Variants in TUSC3 observed in about 807,000 individuals in gnomAD.
TUSC3 encodes dolichyl-diphosphooligosaccharide--protein glycosyltransferase subunit TUSC3.
A neutral mutation model predicts 44.8 loss-of-function variants in TUSC3; 45 were observed. That is an observed-to-expected ratio of 1.00 (90% CI 0.79 to 1.29). The LOEUF (loss-of-function observed/expected upper bound fraction) is 1.29, where lower values mean the gene tolerates loss of function less well. TUSC3 is among the 50% of genes most tolerant of loss of function. The pLI, the probability that TUSC3 is intolerant of heterozygous loss-of-function variation, is 0.00. For missense variants in TUSC3, 519 were observed against 437.9 expected (o/e 1.19, Z -1.65); for synonymous variants, 212 against 152.9 (o/e 1.39, Z -2.85).
At chr8:15,418,188 T>A (rs79312612) in intron 1 of TUSC3, among the ~76,000 whole-genome samples, 2,773 of 152,314 alleles carry the variant, frequency 0.018, 83 homozygotes, top group African/African-American at 0.064. Flanking sequence ...ATTAAATGTG[T>A]TTGGGGCTTT....
In TUSC3 at chr8:15,757,791, T is replaced by A. The variant is rs1335641004; in HGVS notation, c.1029T>A (p.Ser343Arg). 7 of 1,462,626 alleles carry A rather than the reference T, an allele frequency of 4.8e-6. No individual in the cohort carries two copies. The African/African-American group carries it at 9.7e-5, about 20-fold the overall frequency. The allele number at this position is 1,462,626 out of a possible 1,614,324, so 90.6% of individuals were successfully genotyped here. A position where few individuals can be genotyped will look rare whatever the true frequency, so the allele number is the denominator to read the frequency against. ...TATTTCATTGTGGTGTATTGGAAAG[T>A]GATCTGGACTTTGAGTGAGAAGATG... is the stretch of plus-strand genomic sequence containing the variant. Reference protein sequence around the residue: ...FRSKYHGYPYSDLDFE With the variant: ...FRSKYHGYPYRDLDFE Residue 343 changes from serine (S) to arginine (R), a missense_variant and splice_region_variant, in exon 10 of 11, where the codon AGT becomes AGA. Transcript: ENST00000503731.
intron 1 of TUSC3, among the ~76,000 whole-genome samples, chr8:15,479,812 A>G (rs1800634360): frequency 6.6e-6 from 1 of 152,138 alleles, no homozygotes; most frequent in South Asian, 2.1e-4. Context: ...CCTATCATGC[A>G]AGAGAAAGAA....
At chr8:15,464,490 T>C (rs1210874400) in intron 1 of TUSC3, among the ~76,000 whole-genome samples, 2 of 152,206 alleles carry the variant, frequency 1.3e-5, no homozygotes, top group African/African-American at 4.8e-5. Context: ...TTTGCTTTCA[T>C]GATGCTTTCT....
downstream of TUSC3, among the ~76,000 whole-genome samples, chr8:15,767,715 G>C (rs1286943233): frequency 6.6e-6 from 1 of 152,036 alleles, no homozygotes; most frequent in Non-Finnish European, 1.5e-5. Context: ...GACCTATCTA[G>C]GGTCTTGCCT....
chr8:15,574,168 T>C (rs993306390), intron 1 of TUSC3, among the ~76,000 whole-genome samples: 1 of 152,186 alleles, frequency 6.6e-6, no homozygotes, highest in African/African-American at 2.4e-5. Context: ...GTTAGTGTTT[T>C]GTGCACAGTG....
At chr8:15,839,281 A>G in the TUSC3 span, among the ~76,000 whole-genome samples, 1 of 152,120 alleles carries the variant, frequency 6.6e-6, no homozygotes, top group Non-Finnish European at 1.5e-5. Context: ...GGTTTTCTAA[A>G]TATACAATCA....
chr8:15,827,656 T>C, the TUSC3 span, among the ~76,000 whole-genome samples: 4 of 152,316 alleles, frequency 2.6e-5, no homozygotes, highest in Non-Finnish European at 5.9e-5. Context: ...AATGTGTACA[T>C]TTGATCTTTG....
rs531581712 is a variant in TUSC3 at position 15,474,773 on chromosome 8, A to G, written n.92-8613A>G. On this transcript the variant is annotated intron_variant and non_coding_transcript_variant, in intron 1 of 5. Coordinates refer to the TUSC3 transcript ENST00000503191. ...CAAAAATAAGTGAAATAGCCAGGAAATATTGAAAGTTTAGAAGTTGGTGTT... is the reference window on the plus strand; with the variant it reads ...CAAAAATAAGTGAAATAGCCAGGAAGTATTGAAAGTTTAGAAGTTGGTGTT... 2.5e-4 allele frequency among the ~76,000 whole-genome samples: 38 copies of G among 152,322 alleles called. No homozygotes were observed. The South Asian group carries it at 7.9e-3, about 32-fold the overall frequency.
At position 15,748,085 on chromosome 8, in the gene TUSC3, A is replaced by G. The variant is rs1339319901; in HGVS notation, c.938-290A>G. Among the ~76,000 whole-genome samples the G allele has an allele frequency of 3.3e-5, 5 of 152,242 alleles. No individual in the cohort carries two copies. In the East Asian group the frequency reaches 9.6e-4, roughly 29 times the overall value. ...GCATGTTAGTACTTGTAAGAACTCT[A>G]TAAAAGAAGAAAACCTCCAGAAGAC... On this transcript the variant is annotated intron_variant, in intron 8 of 10. Coordinates refer to ENST00000503731, the MANE Select transcript of TUSC3 (RefSeq NM_006765.4).
At chr8:15,711,893 G>C (rs1261597462) in intron 6 of TUSC3, among the ~76,000 whole-genome samples, 1 of 151,592 alleles carries the variant, frequency 6.6e-6, no homozygotes, top group Non-Finnish European at 1.5e-5. Flanking sequence ...CAGTTTGATC[G>C]TCACGTTTTT....
intron 1 of TUSC3, among the ~76,000 whole-genome samples, chr8:15,579,427 C>A (rs1255128442): frequency 1.0e-5 from 1 of 97,658 alleles, no homozygotes; most frequent in East Asian, 2.7e-4. Context: ...AATTTTGGAT[C>A]TTTCCTGCTT....
intron 2 of TUSC3, among the ~76,000 whole-genome samples, 195 bp downstream of exon 2, chr8:15,623,444 A>G (rs563333805): frequency 8.5e-5 from 13 of 152,288 alleles, no homozygotes; most frequent in African/African-American, 3.1e-4. Context: ...GGGGGCATGT[A>G]AAATATTCAT....
the TUSC3 span, among the ~76,000 whole-genome samples, chr8:15,840,378 T>TA: frequency 1.3e-5 from 2 of 151,732 alleles, no homozygotes; most frequent in African/African-American, 4.8e-5. Context: ...AAGTATAATT[T>TA]AAAAAAATAA....
At chr8:15,644,174 T>G (rs889562196) in intron 2 of TUSC3, among the ~76,000 whole-genome samples, 11 of 151,694 alleles carry the variant, frequency 7.3e-5, no homozygotes, top group Non-Finnish European at 1.6e-4. Context: ...TTAGATTAAG[T>G]GATTTTTTTC....
chr8:15,602,670 G>A (rs1171749260), intron 1 of TUSC3, among the ~76,000 whole-genome samples: 2 of 85,166 alleles, frequency 2.3e-5, no homozygotes, highest in Admixed American at 1.1e-4. Context: ...ATTTATATGT[G>A]TGTGTGTGTG....
intron 1 of TUSC3, among the ~76,000 whole-genome samples, chr8:15,477,989 G>A (rs1028228972): frequency 2.0e-5 from 3 of 151,788 alleles, no homozygotes; most frequent in Admixed American, 6.6e-5. Context: ...ACACAGTCTC[G>A]TTCTGTTGCC....
chr8:15,656,714 A>G (rs1807183261), intron 3 of TUSC3, among the ~76,000 whole-genome samples: 1 of 152,242 alleles, frequency 6.6e-6, no homozygotes, highest in Non-Finnish European at 1.5e-5. Flanking sequence ...GGATTTCAGC[A>G]GAGGCCCTGC....
At chr8:15,739,678 T>C (rs1811103562) in intron 7 of TUSC3, among the ~76,000 whole-genome samples, 3 of 152,156 alleles carry the variant, frequency 2.0e-5, no homozygotes, top group African/African-American at 7.2e-5. Flanking sequence ...GTTTATGGAG[T>C]AGTAAAATGT....
chr8:15,634,473 A>G (rs974313160), intron 2 of TUSC3, among the ~76,000 whole-genome samples: 1 of 152,196 alleles, frequency 6.6e-6, no homozygotes, highest in Non-Finnish European at 1.5e-5. Flanking sequence ...GAAACATGAG[A>G]GAAAGGGCAA....
Sources: gnomAD v4.1 joint callset for allele counts (sites outside exome capture counted in the v4.1 genomes callset) on GRCh38, gnomAD v4.1.1 for gene constraint, MANE v1.5 for transcripts, NCBI Gene and HGNC (gene_info 2026-07-23, HGNC 2026-07-21) for gene names.